The following PTK2 variants were observed in gnomAD, a reference collection of about 807,000 sequenced individuals.
PTK2 encodes focal adhesion kinase 1.
A neutral mutation model predicts 150.1 loss-of-function variants in PTK2; 45 were observed. The observed-to-expected ratio is 0.30, with a 90% CI of 0.24 to 0.38. The LOEUF (loss-of-function observed/expected upper bound fraction) is 0.38, where lower values mean the gene tolerates loss of function less well. Ranked by LOEUF, PTK2 falls within the 10% of genes least tolerant of loss-of-function variation. The pLI is 1.00. For missense variants in PTK2, 919 were observed against 1,307.3 expected, an observed-to-expected ratio of 0.70 and a Z score of 4.58; for synonymous variants, 432 against 449.2, an observed-to-expected ratio of 0.96 and a Z score of 0.48.
intron 5 of PTK2, among the ~76,000 whole-genome samples, chr8:140,854,832 T>C (rs1276707399): frequency 6.6e-6 from 1 of 152,180 alleles, no homozygotes; most frequent in Non-Finnish European, 1.5e-5. Flanking sequence ...TGGACTTGGA[T>C]GAATTTTCAG....
intron 1 of PTK2, among the ~76,000 whole-genome samples, chr8:140,982,077 A>AC (rs1318309214): frequency 1.5e-5 from 2 of 137,660 alleles, no homozygotes; most frequent in Non-Finnish European, 3.4e-5. Flanking sequence ...AAAAAAAAAA[A>AC]AAAAAATGAC....
At chr8:140,813,740 CAACCCCAAACTAGAAG>C (rs56197339) in intron 10 of PTK2, among the ~76,000 whole-genome samples, 87,775 of 151,414 alleles carry the variant, frequency 0.58, 27,021 homozygotes, top group African/African-American at 0.79. Flanking sequence ...ACTAGAGAAC[CAACCCCAAACTAGAAG>C]AAGAGCAAAC....
intron 14 of PTK2, among the ~76,000 whole-genome samples, chr8:140,776,003 A>T (rs2100078197): frequency 6.6e-6 from 1 of 152,038 alleles, no homozygotes; most frequent in South Asian, 2.1e-4. Flanking sequence ...TCAATAGTTT[A>T]TTATTATTAT....
At chr8:140,903,128 C>T (rs1463516602) in intron 2 of PTK2, among the ~76,000 whole-genome samples, 1 of 151,812 alleles carries the variant, frequency 6.6e-6, no homozygotes, top group Non-Finnish European at 1.5e-5. Context: ...ACGTTTAAGT[C>T]TTTAATCCAT....
In PTK2 at chr8:140,658,220, G is replaced by A. The variant is rs1363206951; in HGVS notation, c.*1246C>T. The A allele has an allele frequency of 5.1e-5, 8 of 155,918 alleles. No homozygotes were observed. The East Asian group carries it at 8.3e-4, about 16-fold the overall frequency. The allele number at this position is 155,918 out of a possible 1,614,324, so 9.7% of individuals were successfully genotyped here. On this transcript the variant is annotated 3_prime_UTR_variant, in exon 32 of 32. Transcript: ENST00000522684. ...GAATGAAAAGGTTAACTTACGCCAC[G>A]CTACCCTTCTGTGGTAACATCCTTG...
chr8:140,953,970 A>ATT (rs34475974), intron 1 of PTK2, among the ~76,000 whole-genome samples: 1 of 144,878 alleles, frequency 6.9e-6, no homozygotes. Context: ...GCTGGTCTGA[A>ATT]TTTTTTTTTT....
At chr8:140,850,828 T>C (rs575329247) in intron 5 of PTK2, among the ~76,000 whole-genome samples, 6 of 152,356 alleles carry the variant, frequency 3.9e-5, no homozygotes, top group African/African-American at 1.2e-4. Flanking sequence ...TACTCTGCAA[T>C]AGAATGAATG....
chr8:140,866,721 G>C (rs2100139536), intron 4 of PTK2, among the ~76,000 whole-genome samples: 1 of 152,286 alleles, frequency 6.6e-6, no homozygotes, highest in African/African-American at 2.4e-5. Context: ...CAGTTGGAGT[G>C]GTTGGAAATT....
At position 140,855,593 on chromosome 8, in the gene PTK2, T is replaced by C. The variant is rs539290572; in HGVS notation, c.450+8719A>G. Among the ~76,000 whole-genome samples the C allele has an allele frequency of 4.5e-4, 68 of 150,762 alleles. 1 individual carries two copies. The highest frequency in any genetic ancestry group is 3.5e-4 in the Non-Finnish European group (24 of 67,778). On this transcript the variant is annotated intron_variant, in intron 5 of 31. Coordinates refer to ENST00000522684, the Ensembl canonical transcript of PTK2. ...CTGGACAACAGAGCAAGACTCTGTC[T>C]CAAAAAAAACAAAAAAAGAAAACCT...
intron 8 of PTK2, chr8:140,821,329 C>T (rs1316060402): frequency 6.6e-6 from 1 of 152,198 alleles, no homozygotes; most frequent in African/African-American, 2.4e-5. Flanking sequence ...TGTAACAGAT[C>T]AAGCAAGAAA....
intron 26 of PTK2, among the ~76,000 whole-genome samples, chr8:140,697,850 CT>C (rs1268659231): frequency 1.5e-5 from 1 of 65,320 alleles, no homozygotes; most frequent in African/African-American, 5.9e-5. Context: ...TTAGGGTTTA[CT>C]GTTTTTTTTT....
chr8:140,885,956 G>T (rs919498244), intron 3 of PTK2, among the ~76,000 whole-genome samples: 6 of 152,114 alleles, frequency 3.9e-5, no homozygotes, highest in African/African-American at 1.4e-4. Flanking sequence ...AGACTAAGGA[G>T]AGCAAGTAGG....
intron 1 of PTK2, among the ~76,000 whole-genome samples, chr8:140,949,339 G>A (rs2100178718): frequency 6.6e-6 from 1 of 152,236 alleles, no homozygotes; most frequent in Admixed American, 6.5e-5. Flanking sequence ...GCTGCAGTGG[G>A]GCTGGCAGGA....
intron 10 of PTK2, among the ~76,000 whole-genome samples, chr8:140,807,322 T>C (rs998992884): frequency 6.6e-6 from 1 of 152,188 alleles, no homozygotes; most frequent in Non-Finnish European, 1.5e-5. Context: ...AAAGTTTCAC[T>C]GCGAAAAAGA....
At position 140,819,026 on chromosome 8, in the gene PTK2, T is replaced by G; in HGVS notation, c.649-6A>C. ...AGTTTTCTTAGTGTTTTGGCCTGCA[T>G]GACAAAATTACCAAAACATCTTGTA... On this transcript the variant is annotated splice_region_variant and splice_polypyrimidine_tract_variant and intron_variant, in intron 8 of 31. Transcript: ENST00000522684. 1 of 1,610,032 alleles carries G rather than the reference T, an allele frequency of 6.2e-7. No individual in the cohort carries two copies. Among genetic ancestry groups the G allele is most frequent in the Non-Finnish European group, 8.5e-7 (1 of 1,178,222 alleles).
At chr8:140,846,842 A>G (rs2100125831) in intron 5 of PTK2, among the ~76,000 whole-genome samples, 164 bp from the exon 6 acceptor site, 1 of 152,172 alleles carries the variant, frequency 6.6e-6, no homozygotes, top group Non-Finnish European at 1.5e-5. Flanking sequence ...TACCTTTCAT[A>G]TAGTTTACAT....
chr8:140,931,293 T>C (rs1297781857), intron 1 of PTK2, among the ~76,000 whole-genome samples: 1 of 152,218 alleles, frequency 6.6e-6, no homozygotes, highest in Non-Finnish European at 1.5e-5. Flanking sequence ...CAGTTTCTTT[T>C]GCATTACACC....
At chr8:140,742,025 A>G (rs2100055988) in intron 20 of PTK2, among the ~76,000 whole-genome samples, 1 of 152,138 alleles carries the variant, frequency 6.6e-6, no homozygotes, top group Non-Finnish European at 1.5e-5. Context: ...AGTACCAGCA[A>G]TTTGGGAGGC....
intron 1 of PTK2, among the ~76,000 whole-genome samples, chr8:140,997,557 AGCAG>A (rs2100198262): frequency 6.6e-6 from 1 of 152,262 alleles, no homozygotes; most frequent in Admixed American, 6.5e-5. Context: ...CTGATTTGTC[AGCAG>A]CCATCACCAC....
Sources: allele counts gnomAD v4.1 joint callset (sites outside exome capture counted in the v4.1 genomes callset), GRCh38; gene constraint gnomAD v4.1.1; transcripts MANE v1.5; gene names NCBI Gene and HGNC (gene_info 2026-07-23, HGNC 2026-07-21).